The following MACROD2 variants were observed in gnomAD, a reference collection of about 807,000 sequenced individuals.
MACROD2 encodes the protein mono-ADP ribosylhydrolase 2, also known as ADP-ribose glycohydrolase MACROD2.
A neutral mutation model predicts 70.4 loss-of-function variants in MACROD2; 36 were observed. The ratio of observed to expected loss-of-function variants is 0.51; its 90% CI spans 0.39 to 0.68. The LOEUF (loss-of-function observed/expected upper bound fraction) is 0.68, where lower values mean the gene tolerates loss of function less well. Ranked by LOEUF, MACROD2 falls within the 30% of genes least tolerant of loss-of-function variation. MACROD2 has a pLI of 0.00. For missense variants in MACROD2, 496 were observed against 538.4 expected (o/e 0.92, Z 0.78); for synonymous variants, 172 against 178.8 (o/e 0.96, Z 0.30).
intron 3 of MACROD2, among the ~76,000 whole-genome samples, chr20:14,164,581 G>A (rs1418868058): frequency 6.6e-6 from 1 of 152,148 alleles, no homozygotes; most frequent in African/African-American, 2.4e-5. Context: ...TGTTGGCAGT[G>A]GCTGTGACAG....
intron 5 of MACROD2, among the ~76,000 whole-genome samples, chr20:15,027,583 A>G (rs2075242324): frequency 6.6e-6 from 1 of 151,972 alleles, no homozygotes; most frequent in South Asian, 2.1e-4. Context: ...CTATTTGTGA[A>G]AAAAGTTTAG....
chr20:15,251,650 C>A (rs556924960), intron 6 of MACROD2, among the ~76,000 whole-genome samples: 18 of 152,206 alleles, frequency 1.2e-4, no homozygotes, highest in African/African-American at 3.9e-4. Flanking sequence ...TCCCTTTTGC[C>A]TTTCATCTGG....
At chr20:14,675,102 A>T (rs1244240386) in intron 4 of MACROD2, among the ~76,000 whole-genome samples, 1 of 152,176 alleles carries the variant, frequency 6.6e-6, no homozygotes, top group Non-Finnish European at 1.5e-5. Context: ...AGTGATGGGG[A>T]GAATAGAACC....
intron 5 of MACROD2, among the ~76,000 whole-genome samples, chr20:14,986,373 C>T (rs552198800): frequency 1.4e-4 from 21 of 152,154 alleles, no homozygotes; most frequent in Non-Finnish European, 2.5e-4. Flanking sequence ...CTAAGGTTCC[C>T]GGTGGCTGCA....
intron 4 of MACROD2, among the ~76,000 whole-genome samples, chr20:14,533,988 C>A (rs1207862906): frequency 6.6e-6 from 1 of 152,034 alleles, no homozygotes; most frequent in African/African-American, 2.4e-5. Flanking sequence ...ATGGTCAATC[C>A]CTGTAATATT....
At chr20:14,372,124 C>G (rs1241579401) in intron 3 of MACROD2, among the ~76,000 whole-genome samples, 3 of 152,112 alleles carry the variant, frequency 2.0e-5, no homozygotes, top group Non-Finnish European at 4.4e-5. Context: ...TAGGCTTGGT[C>G]CAGAAGCAGA....
chr20:15,444,407 C>G (rs2046535222), intron 7 of MACROD2, among the ~76,000 whole-genome samples: 10 of 152,110 alleles, frequency 6.6e-5, no homozygotes, highest in Admixed American at 6.6e-4. Context: ...AAATGTAAAA[C>G]AGTGGTGTTC....
At chr20:15,986,702 A>AC in intron 13 of MACROD2, 25 bp from the exon 14 acceptor site, 1 of 1,585,490 alleles carries the variant, frequency 6.3e-7, no homozygotes, top group Non-Finnish European at 8.6e-7. Flanking sequence ...CATTTCTTTT[A>AC]TTTTTCAATC....
rs947712362 is a variant in MACROD2, at chr20:14,255,553, G to C, written c.271+169825G>C. Among the ~76,000 whole-genome samples, 3 of 151,366 alleles carry C rather than the reference G, an allele frequency of 2.0e-5. No individual in the cohort carries two copies. The South Asian group carries it at 6.3e-4, about 32-fold the overall frequency. On this transcript the variant is annotated intron_variant, in intron 3 of 17. Coordinates refer to ENST00000684519, the MANE Select transcript of MACROD2 (RefSeq NM_001351661.2). ...CCTGTTGTGGGGTGGGGGCAGGGGG[G>C]AGGGATAGCATTAGGAGATGTACCT... is the stretch of plus-strand genomic sequence containing the variant.
chr20:14,685,017 C>G lies in MACROD2; in HGVS notation c.418+58C>G, dbSNP rs373827056. The G allele has an allele frequency of 3.0e-6, 4 of 1,337,750 alleles. No individual in the cohort carries two copies. The African/African-American group carries it at 4.3e-5, about 14-fold the overall frequency. The allele number at this position is 1,337,750 out of a possible 1,614,324, so 82.9% of individuals were successfully genotyped here. A position where few individuals can be genotyped will look rare whatever the true frequency, so the allele number is the denominator to read the frequency against. ...ATGAGACATCTTAACTTGTTTTACT[C>G]CAGTGTATAACTGGAAAAGGAAATG... On this transcript the variant is annotated intron_variant, in intron 5 of 17. Coordinates refer to ENST00000684519, the MANE Select transcript of MACROD2 (RefSeq NM_001351661.2).
chr20:15,491,408 AC>A (rs1765516794), intron 7 of MACROD2, among the ~76,000 whole-genome samples: 1 of 152,214 alleles, frequency 6.6e-6, no homozygotes, highest in East Asian at 1.9e-4. Flanking sequence ...ATACATTTTG[AC>A]AGCTGTCATG....
chr20:15,566,725 T>C (rs549412007), intron 8 of MACROD2, among the ~76,000 whole-genome samples: 9 of 152,338 alleles, frequency 5.9e-5, no homozygotes, highest in African/African-American at 2.2e-4. Context: ...GAAAACATCC[T>C]TCAGTTAATC....
intron 5 of MACROD2, among the ~76,000 whole-genome samples, chr20:15,117,220 A>C (rs559389550): frequency 2.5e-4 from 38 of 152,316 alleles, no homozygotes; most frequent in African/African-American, 8.2e-4. Flanking sequence ...ATAAGAAAAA[A>C]GTCAACAACT....
At chr20:15,271,365 G>A (rs1013491362) in intron 6 of MACROD2, among the ~76,000 whole-genome samples, 2 of 152,134 alleles carry the variant, frequency 1.3e-5, no homozygotes, top group African/African-American at 4.8e-5. Context: ...CCTTCCAGAG[G>A]CCCTACCTCC....
chr20:14,932,267 TC>T (rs2074302905), intron 5 of MACROD2, among the ~76,000 whole-genome samples: 2 of 152,180 alleles, frequency 1.3e-5, no homozygotes, highest in South Asian at 4.2e-4. Flanking sequence ...GAGTCATTGT[TC>T]CAGTGAATGG....
intron 3 of MACROD2, among the ~76,000 whole-genome samples, chr20:14,440,925 C>A (rs2047292146): frequency 6.6e-6 from 1 of 152,114 alleles, no homozygotes; most frequent in African/African-American, 2.4e-5. Context: ...AACCCTGCAG[C>A]AGGGCACATG....
At chr20:16,002,469 T>G (rs2066723345) in intron 15 of MACROD2, among the ~76,000 whole-genome samples, 2 of 151,706 alleles carry the variant, frequency 1.3e-5, no homozygotes, top group African/African-American at 2.4e-5. Context: ...TATAAGCAAA[T>G]AGGGAAGCAG....
At chr20:16,026,171 A>G (rs975635767) in intron 15 of MACROD2, among the ~76,000 whole-genome samples, 1 of 120,596 alleles carries the variant, frequency 8.3e-6, no homozygotes, top group Admixed American at 7.9e-5. Context: ...CAAAACAACA[A>G]ACAAACAAAC....
intron 10 of MACROD2, among the ~76,000 whole-genome samples, chr20:15,888,590 A>ATTTG (rs2064850485): frequency 6.6e-6 from 1 of 152,156 alleles, no homozygotes; most frequent in Admixed American, 6.6e-5. Flanking sequence ...CAGAGTCCCC[A>ATTTG]AGTTTGGAGT....
Sources: gnomAD v4.1 joint callset for allele counts (sites outside exome capture counted in the v4.1 genomes callset) on GRCh38, gnomAD v4.1.1 for gene constraint, MANE v1.5 for transcripts, NCBI Gene and HGNC (gene_info 2026-07-23, HGNC 2026-07-21) for gene names.